Variants in SLC22A2 observed in about 807,000 individuals in gnomAD.
The protein encoded by SLC22A2 is organic cation transporter 2.
SLC22A2 carries 46 observed loss-of-function variants against 60.5 expected under a neutral mutation model. The ratio of observed to expected loss-of-function variants is 0.76; its 90% CI spans 0.60 to 0.97. The LOEUF is 0.97. SLC22A2 is among the 50% of genes least tolerant of loss of function. The pLI is 0.00. For missense variants in SLC22A2, 701 were observed against 706.6 expected (o/e 0.99, Z 0.09); for synonymous variants, 303 against 267.0 (o/e 1.13, Z -1.31).
At chr6:160,219,170 T>TCAGCAACTACAG (rs1554259669) in intron 10 of SLC22A2, among the ~76,000 whole-genome samples, 3 of 870 alleles carry the variant, frequency 3.4e-3, no homozygotes, top group African/African-American at 0.012. Flanking sequence ...AGCAGCAACA[T>TCAGCAACTACAG]CAGCAACAAC....
chr6:160,258,266 C>T (rs910626081), intron 1 of SLC22A2, 78 bp downstream of exon 1: 12 of 1,481,534 alleles, frequency 8.1e-6, no homozygotes, highest in Admixed American at 4.2e-5. Flanking sequence ...TTATAAGAGC[C>T]GGGCCTTCCC....
chr6:160,229,384 T>A (rs1212530269), intron 9 of SLC22A2, among the ~76,000 whole-genome samples: 2 of 151,976 alleles, frequency 1.3e-5, no homozygotes, highest in East Asian at 3.8e-4. Context: ...AGTCACGGAC[T>A]TGGGTTTAAT....
At chr6:160,250,481 C>T in intron 3 of SLC22A2, 67 bp downstream of exon 3, 1 of 1,513,974 alleles carries the variant, frequency 6.6e-7, no homozygotes, top group Admixed American at 1.7e-5. Flanking sequence ...CATGCCGCCC[C>T]CCACCTGACT....
intron 3 of SLC22A2, 197 bp downstream of exon 3, chr6:160,250,351 C>A: frequency 1.7e-6 from 1 of 589,376 alleles, no homozygotes; most frequent in South Asian, 2.1e-5. Context: ...TTGTTTCTGC[C>A]TTCATTTTTT....
rs902272857 is a variant in SLC22A2 at position 160,258,789 on chromosome 6, C to G, written c.-32G>C. The G allele has an allele frequency of 6.6e-7, 1 of 1,511,094 alleles. No individual in the cohort carries two copies. The highest frequency in any genetic ancestry group is 2.3e-5 in the East Asian group (1 of 43,412). The allele number at this position is 1,511,094 out of a possible 1,614,324, so 93.6% of individuals were successfully genotyped here. A position where few individuals can be genotyped will look rare whatever the true frequency, so the allele number is the denominator to read the frequency against. On this transcript the variant is annotated 5_prime_UTR_variant, in exon 1 of 11. Transcript: ENST00000366953. ...GCAGGCAGGAGGGCCCGAGGCTGCC[C>G]GACGTGCCCGGAGCGAGGCTGAGAG... is the stretch of plus-strand genomic sequence containing the variant.
rs1783315829 is a variant in SLC22A2 at position 160,258,501 on chromosome 6, G to A, written c.257C>T (p.Pro86Leu). The A allele has an allele frequency of 6.2e-7, 1 of 1,614,014 alleles. No individual in the cohort carries two copies. The highest frequency in any genetic ancestry group is 1.3e-5 in the African/African-American group (1 of 74,926). The change falls in exon 1 of 11, where the codon CCA becomes CTA. Residue 86 changes from proline (P) to leucine (L), a missense_variant. Physicochemically the swap from Pro to Leu is moderately conservative, Grantham distance 98. Transcript: ENST00000366953. ...CACCTCGTAGCGCCTACACTGTCTT[G>A]GGGAGGCTTCGCCCGCAGGTCCTGG... Reference protein sequence around the residue: ...PGPGPAGEASPRQCRRYEVDW... With the variant: ...PGPGPAGEASLRQCRRYEVDW...
At position 160,217,491 on chromosome 6, in the gene SLC22A2, TTCTTGG is replaced by T. The variant is rs753531502; in HGVS notation, c.1603_1608del (p.Pro535_Arg536del). ...AGGTAAATCATCTTTTCTTTATTTT[TTCTTGG>T]TCTGCAATAAGAAATAAAAATGGAG... On this transcript the variant is annotated inframe_deletion and splice_region_variant, in exon 11 of 11. Transcript: ENST00000366953. 15 of 1,584,384 alleles carry T rather than the reference TTCTTGG, an allele frequency of 9.5e-6. No homozygotes were observed. Among genetic ancestry groups the T allele is most frequent in the Non-Finnish European group, 1.3e-5 (15 of 1,153,624 alleles).
In SLC22A2 at chr6:160,224,218, A is replaced by G. The variant is rs182251478; in HGVS notation, c.1601+487T>C. ...TTTGAACTTCTCTTACTATGAAGGAAGTTGAGCATATTTTCATATATTTAA... is the reference window on the plus strand; with the variant it reads ...TTTGAACTTCTCTTACTATGAAGGAGGTTGAGCATATTTTCATATATTTAA... On this transcript the variant is annotated intron_variant, in intron 10 of 10. Coordinates refer to ENST00000366953, the MANE Select transcript of SLC22A2 (RefSeq NM_003058.4). 2.8e-3 allele frequency among the ~76,000 whole-genome samples: 433 copies of G among 152,200 alleles called. 3 individuals carry two copies. Among genetic ancestry groups the G allele is most frequent in the Non-Finnish European group, 4.5e-3 (306 of 68,014 alleles).
chr6:160,230,495 T>A (rs1782804236), intron 9 of SLC22A2, among the ~76,000 whole-genome samples: 1 of 151,946 alleles, frequency 6.6e-6, no homozygotes, highest in South Asian at 2.1e-4. Context: ...AAATATGCAT[T>A]TTATTACCCA....
intron 9 of SLC22A2, among the ~76,000 whole-genome samples, chr6:160,231,936 T>G (rs1043607444): frequency 2.1e-4 from 32 of 152,090 alleles, no homozygotes; most frequent in African/African-American, 7.5e-4. Context: ...GTAGCCCTTT[T>G]ATCCAAACAA....
intron 9 of SLC22A2, among the ~76,000 whole-genome samples, chr6:160,229,101 C>T (rs1031869930): frequency 6.6e-6 from 1 of 151,866 alleles, no homozygotes; most frequent in African/African-American, 2.4e-5. Flanking sequence ...GATCAATCCC[C>T]TGTCCTCCTG....
chr6:160,241,225 G>C (rs1163202288), intron 9 of SLC22A2, among the ~76,000 whole-genome samples: 1 of 151,948 alleles, frequency 6.6e-6, no homozygotes, highest in Non-Finnish European at 1.5e-5. Context: ...CCATACTTGA[G>C]TATTAGTAGT....
rs1431856815 is a variant in SLC22A2, at chr6:160,223,509, A to AT, written c.1601+1195dup. ...AACTTTCCTTGTCAGCGTATGTGAAATGGCCTCATTCTTTTTAATGGCTGT... is the reference window on the plus strand; with the variant it reads ...AACTTTCCTTGTCAGCGTATGTGAAATTGGCCTCATTCTTTTTAATGGCTGT... On this transcript the variant is annotated intron_variant, in intron 10 of 10. Coordinates refer to ENST00000366953, the MANE Select transcript of SLC22A2 (RefSeq NM_003058.4). Among the ~76,000 whole-genome samples the AT allele has an allele frequency of 2.6e-5, 4 of 152,202 alleles. No homozygotes were observed. The East Asian group carries it at 7.7e-4, about 29-fold the overall frequency.
Position 160,217,391 on chromosome 6 carries a change from C to A in SLC22A2, c.*41G>T. 1 of 1,320,024 alleles carries A rather than the reference C, an allele frequency of 7.6e-7. No homozygotes were observed. The highest frequency in any genetic ancestry group is 1.2e-5 in the South Asian group (1 of 81,536). The allele number at this position is 1,320,024 out of a possible 1,614,324, so 81.8% of individuals were successfully genotyped here. ...GGGATTTCTACTTTTGGTCTTGCTGCCATCAAAGCTAGGTCATGACAGCAG... is the reference window on the plus strand; with the variant it reads ...GGGATTTCTACTTTTGGTCTTGCTGACATCAAAGCTAGGTCATGACAGCAG... On this transcript the variant is annotated 3_prime_UTR_variant, in exon 11 of 11. Coordinates refer to ENST00000366953, the MANE Select transcript of SLC22A2 (RefSeq NM_003058.4).
At chr6:160,246,269 G>A (rs953554392) in intron 5 of SLC22A2, among the ~76,000 whole-genome samples, 1 of 152,028 alleles carries the variant, frequency 6.6e-6, no homozygotes, top group African/African-American at 2.4e-5. Context: ...CCAAAGTGAT[G>A]GCATTACAGG....
At chr6:160,252,191 A>G (rs1783196337) in intron 2 of SLC22A2, among the ~76,000 whole-genome samples, 1 of 152,036 alleles carries the variant, frequency 6.6e-6, no homozygotes, top group African/African-American at 2.4e-5. Context: ...ATTTTTTAGC[A>G]TTTCTTCCCA....
intron 7 of SLC22A2, among the ~76,000 whole-genome samples, chr6:160,242,741 A>C (rs981080410): frequency 6.6e-6 from 1 of 151,766 alleles, no homozygotes; most frequent in African/African-American, 2.4e-5. Flanking sequence ...GACATTCTCC[A>C]CAGAGTGGTA....
chr6:160,237,495 A>C (rs1782928832), intron 9 of SLC22A2, among the ~76,000 whole-genome samples: 1 of 152,180 alleles, frequency 6.6e-6, no homozygotes, highest in Admixed American at 6.5e-5. Flanking sequence ...GGCCCTCACC[A>C]TACTGATGCT....
At chr6:160,254,940 T>C (rs150149338) in intron 2 of SLC22A2, among the ~76,000 whole-genome samples, 68 of 152,322 alleles carry the variant, frequency 4.5e-4, no homozygotes, top group African/African-American at 1.5e-3. Flanking sequence ...GGGTTAAAGA[T>C]TGAGTCACCT....
Sources: gnomAD v4.1 joint callset for allele counts (sites outside exome capture counted in the v4.1 genomes callset) on GRCh38, gnomAD v4.1.1 for gene constraint, MANE v1.5 for transcripts, NCBI Gene and HGNC (gene_info 2026-07-23, HGNC 2026-07-21) for gene names.